LEF1: variants seen among roughly 807,000 people sequenced by gnomAD.
LEF1 encodes lymphoid enhancer-binding factor 1.
A neutral mutation model predicts 51.2 loss-of-function variants in LEF1; 14 were observed. The ratio of observed to expected loss-of-function variants is 0.27; its 90% CI spans 0.18 to 0.43. LEF1 has a LOEUF of 0.43. Among genes scored for constraint, LEF1 ranks in the 20% least tolerant of loss-of-function variants. The pLI, the probability that LEF1 is intolerant of heterozygous loss-of-function variation, is 1.00. For synonymous variants in LEF1, 185 were observed against 183.2 expected (o/e 1.01, Z -0.08); for missense variants, 386 against 512.0 (o/e 0.75, Z 2.37).
Position 108,048,764 on chromosome 4 carries a change from C to A in LEF1, c.*7-13G>T, listed in dbSNP as rs1397121449. The stretch of plus-strand genomic sequence containing the variant: ...CTTCGTTTTCCACCTCAAGAAGGAA[C>A]AAATGAAATGCTATTAATATGAATT... On this transcript the variant is annotated splice_polypyrimidine_tract_variant and intron_variant, in intron 11 of 11. Coordinates refer to ENST00000265165, the MANE Select transcript of LEF1 (RefSeq NM_016269.5). 3 of 1,586,918 alleles carry A rather than the reference C, an allele frequency of 1.9e-6. No homozygotes were observed. In the African/African-American group the frequency reaches 4.0e-5, roughly 21 times the overall value.
At chr4:108,049,588 G>A (rs1156352736) in intron 11 of LEF1, among the ~76,000 whole-genome samples, 2 of 152,152 alleles carry the variant, frequency 1.3e-5, no homozygotes, top group Non-Finnish European at 2.9e-5. Context: ...TTTGAACTTG[G>A]GGAGGCTGCT....
At chr4:108,132,881 G>C (rs1023924624) in intron 3 of LEF1, among the ~76,000 whole-genome samples, 1 of 151,634 alleles carries the variant, frequency 6.6e-6, no homozygotes. Context: ...ATGTTGCCCA[G>C]GCTTGTCTCC....
intron 3 of LEF1, among the ~76,000 whole-genome samples, chr4:108,118,477 C>T (rs980709636): frequency 2.8e-4 from 43 of 152,298 alleles, no homozygotes; most frequent in African/African-American, 9.9e-4. Context: ...AGGTAAAAGA[C>T]TGCATAAAAC....
chr4:108,091,456 A>C (rs1007804837), intron 3 of LEF1, among the ~76,000 whole-genome samples: 1 of 46,900 alleles, frequency 2.1e-5, no homozygotes, highest in African/African-American at 4.1e-5. Flanking sequence ...GGGGGGGGGA[A>C]AAAAAAGGAA....
chr4:108,149,658 T>G (rs185200625), intron 3 of LEF1, among the ~76,000 whole-genome samples: 6 of 150,484 alleles, frequency 4.0e-5, no homozygotes, highest in African/African-American at 1.5e-4. Context: ...CATGTGTATA[T>G]ATATATATAA....
intron 3 of LEF1, among the ~76,000 whole-genome samples, chr4:108,122,770 G>A (rs1742259250): frequency 6.6e-6 from 1 of 152,058 alleles, no homozygotes; most frequent in Admixed American, 6.5e-5. Flanking sequence ...AAAGGTGTGA[G>A]CCACCATGCC....
At chr4:108,163,182 T>G (rs995634270) in intron 3 of LEF1, among the ~76,000 whole-genome samples, 1 of 152,160 alleles carries the variant, frequency 6.6e-6, no homozygotes, top group Non-Finnish European at 1.5e-5. Flanking sequence ...CTAAAGTAGC[T>G]CTGATTCTAG....
At chr4:108,063,323 AGGC>A (rs1273109640) in intron 11 of LEF1, among the ~76,000 whole-genome samples, 4 of 152,192 alleles carry the variant, frequency 2.6e-5, no homozygotes, top group Non-Finnish European at 4.4e-5. Context: ...TTTTTTAAGC[AGGC>A]CGATTTGCCA....
intron 3 of LEF1, among the ~76,000 whole-genome samples, chr4:108,128,040 AT>A (rs1406615465): frequency 6.6e-6 from 1 of 152,342 alleles, no homozygotes; most frequent in East Asian, 1.9e-4. Context: ...TATTCACTGC[AT>A]AATTTGAATT....
chr4:108,165,000 C>T (rs187621619), intron 2 of LEF1, 97 bp downstream of exon 2: 10,318 of 1,003,590 alleles, frequency 0.01, 88 homozygotes, highest in Non-Finnish European at 0.014. Context: ...CTGACCTAGT[C>T]CCAGTTTCTT....
intron 11 of LEF1, among the ~76,000 whole-genome samples, chr4:108,062,840 G>C (rs545021416): frequency 1.3e-5 from 2 of 152,274 alleles, no homozygotes; most frequent in East Asian, 3.9e-4. Context: ...TCTTAGAGAG[G>C]ATAACCAAAG....
intron 3 of LEF1, chr4:108,104,554 C>A (rs935645715): frequency 1.7e-5 from 3 of 179,462 alleles, no homozygotes; most frequent in African/African-American, 7.2e-5. Context: ...GTAGTGATGA[C>A]AGGGGAATTC....
chr4:108,073,831 C>A (rs953537678), intron 8 of LEF1, among the ~76,000 whole-genome samples: 1 of 150,940 alleles, frequency 6.6e-6, no homozygotes, highest in Non-Finnish European at 1.5e-5. Context: ...TAACCCCCCC[C>A]CCTTTTTTTT....
At chr4:108,064,675 AC>A (rs1364131211) in intron 9 of LEF1, among the ~76,000 whole-genome samples, 4 of 61,490 alleles carry the variant, frequency 6.5e-5, no homozygotes, top group Non-Finnish European at 1.5e-4. Context: ...ACACACACAC[AC>A]ACACACACAC....
intron 3 of LEF1, among the ~76,000 whole-genome samples, chr4:108,104,225 T>C (rs1741002585): frequency 6.6e-6 from 1 of 151,652 alleles, no homozygotes; most frequent in Non-Finnish European, 1.5e-5. Flanking sequence ...AGTAACAAAG[T>C]AGATGAGGGG....
At chr4:108,092,439 C>G (rs1224587874) in intron 3 of LEF1, among the ~76,000 whole-genome samples, 1 of 152,186 alleles carries the variant, frequency 6.6e-6, no homozygotes. Context: ...CCAACTTACA[C>G]TGCGGATATG....
At chr4:108,155,365 A>G (rs1744624110) in intron 3 of LEF1, among the ~76,000 whole-genome samples, 1 of 152,232 alleles carries the variant, frequency 6.6e-6, no homozygotes, top group African/African-American at 2.4e-5. Context: ...TAACAATCAC[A>G]AGGAAAGCGA....
chr4:108,112,834 A>G (rs1036827104), intron 3 of LEF1, among the ~76,000 whole-genome samples: 2 of 152,218 alleles, frequency 1.3e-5, no homozygotes, highest in Admixed American at 1.3e-4. Context: ...ACCCTTGTAG[A>G]GAAACAGCCT....
chr4:108,166,130 C>A lies in LEF1; in HGVS notation c.214-967G>T, dbSNP rs914257402. On this transcript the variant is annotated intron_variant, in intron 1 of 11. Transcript: ENST00000265165. ...CCTCCCTTTGACCTCCTTTTCCCAG[C>A]ACACAGTAGTCACAAATCTTTTACG... 4 of 733,136 alleles carry A rather than the reference C, an allele frequency of 5.5e-6. No individual in the cohort carries two copies. In the East Asian group the frequency reaches 1.3e-4, roughly 23 times the overall value. The allele number at this position is 733,136 out of a possible 1,614,324, so 45.4% of individuals were successfully genotyped here.
Sources: allele counts gnomAD v4.1 joint callset (sites outside exome capture counted in the v4.1 genomes callset), GRCh38; gene constraint gnomAD v4.1.1; transcripts MANE v1.5; gene names NCBI Gene and HGNC (gene_info 2026-07-23, HGNC 2026-07-21).